USP34: variants seen among roughly 807,000 people sequenced by gnomAD.
The protein encoded by USP34 is ubiquitin carboxyl-terminal hydrolase 34.
A neutral mutation model predicts 460.3 loss-of-function variants in USP34; 70 were observed. The observed-to-expected ratio is 0.15, with a 90% CI of 0.13 to 0.19. The LOEUF (loss-of-function observed/expected upper bound fraction) is 0.19, where lower values mean the gene tolerates loss of function less well. Among genes scored for constraint, USP34 ranks in the 10% least tolerant of loss-of-function variants. The pLI, the probability that USP34 is intolerant of heterozygous loss-of-function variation, is 1.00. For missense variants in USP34, 3,985 were observed against 4,236.2 expected, an observed-to-expected ratio of 0.94 and a Z score of 1.65; for synonymous variants, 1,647 against 1,405.3, an observed-to-expected ratio of 1.17 and a Z score of -3.85.
chr2:61,268,680 TAA>T (rs951354112), intron 41 of USP34, among the ~76,000 whole-genome samples: 169 of 152,166 alleles, frequency 1.1e-3, no homozygotes, highest in African/African-American at 3.9e-3. Flanking sequence ...AAATTCAATT[TAA>T]AAAGTTATCA....
intron 6 of USP34, among the ~76,000 whole-genome samples, chr2:61,382,630 T>C (rs547891134): frequency 1.3e-5 from 2 of 152,320 alleles, no homozygotes; most frequent in Non-Finnish European, 2.9e-5. Flanking sequence ...AGAAAAAAAG[T>C]ACAATACTGT....
In USP34 at chr2:61,221,541, C is replaced by A; in HGVS notation, c.7860G>T (p.Met2620Ile). Reference protein sequence around the residue: ...LMEFAGGPPGMPPFASYILQR... With the variant: ...LMEFAGGPPGIPPFASYILQR... ...GCAGAATATAAGATGCAAAGGGAGG[C>A]ATTCCTGGAGGTCCACCAGCAAACT... is the stretch of plus-strand genomic sequence containing the variant. The change falls in exon 66 of 80, where the codon ATG becomes ATT. Residue 2620 changes from methionine (M) to isoleucine (I), a missense_variant. Coordinates refer to ENST00000398571, the MANE Select transcript of USP34 (RefSeq NM_014709.4). 1.9e-6 allele frequency: 3 copies of A among 1,614,090 alleles called. No individual in the cohort carries two copies. The highest frequency in any genetic ancestry group is 2.5e-6 in the Non-Finnish European group (3 of 1,179,958).
intron 10 of USP34, among the ~76,000 whole-genome samples, chr2:61,361,971 TAATAAATA>T (rs527600718): frequency 4.0e-5 from 6 of 151,096 alleles, no homozygotes; most frequent in African/African-American, 9.7e-5. Context: ...AGCAAAAAAA[TAATAAATA>T]AATAAATAAA....
chr2:61,372,668 G>A (rs1237793662), intron 8 of USP34, among the ~76,000 whole-genome samples: 4 of 152,148 alleles, frequency 2.6e-5, no homozygotes, highest in African/African-American at 7.2e-5. Context: ...TAATCGTGCT[G>A]TTGCTGCACT....
At chr2:61,264,740 T>C (rs1469146917) in intron 43 of USP34, among the ~76,000 whole-genome samples, 1 of 152,092 alleles carries the variant, frequency 6.6e-6, no homozygotes, top group Non-Finnish European at 1.5e-5. Context: ...TAGCCCATAG[T>C]TGGCCGGGCA....
At chr2:61,286,567 AC>A (rs1393794079) in intron 34 of USP34, among the ~76,000 whole-genome samples, 1 of 151,988 alleles carries the variant, frequency 6.6e-6, no homozygotes, top group Non-Finnish European at 1.5e-5. Context: ...AGGTAGTAAA[AC>A]CGCTTGAACA....
chr2:61,211,977 TAGA>T, intron 68 of USP34, 48 bp from the exon 69 acceptor site: 1 of 1,540,966 alleles, frequency 6.5e-7, no homozygotes, highest in East Asian at 2.4e-5. Context: ...TATAGCATTT[TAGA>T]AGGTCAGTTT....
rs761851566 is a variant in USP34, at chr2:61,214,387, A to G, written c.8355T>C (p.Pro2785=). 6.2e-7 allele frequency: 1 copy of G among 1,614,172 alleles called. No individual in the cohort carries two copies. The highest frequency in any genetic ancestry group is 2.2e-5 in the East Asian group (1 of 44,890). ...YFMDLWNLFQ[P]KLSEPAIATN... The stretch of plus-strand genomic sequence containing the variant: ...TAGCTATTGCTGGCTCAGAAAGTTT[A>G]GGCTGGAAAAGGTTCCACAAATCCA... Residue 2785 remains proline (P), a synonymous_variant, in exon 68 of 80, where the codon CCT becomes CCC. Coordinates refer to ENST00000398571, the MANE Select transcript of USP34 (RefSeq NM_014709.4).
chr2:61,346,831 C>CAAAAAAAAA (rs776311612), intron 15 of USP34, among the ~76,000 whole-genome samples: 1 of 29,794 alleles, frequency 3.4e-5, no homozygotes, highest in Non-Finnish European at 6.2e-5. Flanking sequence ...GATTCCAACT[C>CAAAAAAAAA]AAAAAAAAAA....
chr2:61,281,874 G>C (rs1689545058), intron 37 of USP34, among the ~76,000 whole-genome samples: 2 of 152,202 alleles, frequency 1.3e-5, no homozygotes, highest in African/African-American at 2.4e-5. Flanking sequence ...AAGCAACACA[G>C]AAGCAACTTC....
In USP34 at chr2:61,348,829, C is replaced by A; in HGVS notation, c.1601G>T (p.Gly534Val). Residue 534 changes from glycine to valine, a missense_variant, in exon 14 of 80, where the codon GGT (glycine) becomes GTT (valine). Gly to Val is a moderately radical substitution (Grantham distance 109, BLOSUM62 -3). This residue lies in a region of USP34 where 716 missense variants were observed against 626.2 expected (regional missense o/e 1.14). Transcript: ENST00000398571. ...SDNSDTHQSG[G>V]SDIEMDEQLI... ...TTGCTCATCCATTTCAATGTCACTA[C>A]CTCCACTTTGATGTGTATCGCTATT... 6.2e-7 allele frequency: 1 copy of A among 1,613,860 alleles called. No individual in the cohort carries two copies. The highest frequency in any genetic ancestry group is 8.5e-7 in the Non-Finnish European group (1 of 1,179,872).
chr2:61,249,705 C>T (rs1346335539), intron 48 of USP34: 1 of 151,926 alleles, frequency 6.6e-6, no homozygotes, highest in Non-Finnish European at 1.5e-5. Flanking sequence ...AGAGCAGAGT[C>T]CCCACGATGC....
chr2:61,238,932 G>A (rs999084404), intron 53 of USP34, among the ~76,000 whole-genome samples: 11 of 151,366 alleles, frequency 7.3e-5, no homozygotes, highest in African/African-American at 1.7e-4. Flanking sequence ...GTCACACTGT[G>A]GTAATTCCTG....
intron 20 of USP34, among the ~76,000 whole-genome samples, chr2:61,328,559 A>G (rs1475029272): frequency 6.6e-6 from 1 of 152,148 alleles, no homozygotes; most frequent in East Asian, 1.9e-4. Flanking sequence ...TCCAGACAAC[A>G]TCTCTCTGTT....
Position 61,248,660 on chromosome 2 carries a change from C to A in USP34, c.6245G>T (p.Arg2082Leu), listed in dbSNP as rs571807812. Residue 2082 changes from arginine to leucine, a missense_variant, in exon 49 of 80, where the codon CGC becomes CTC. Around this residue, in one of 14 missense-constraint regions of USP34, gnomAD observed 145 missense variants for 291.6 expected, o/e 0.50. Coordinates refer to ENST00000398571, the MANE Select transcript of USP34 (RefSeq NM_014709.4). Reference protein sequence around the residue: ...EKRACFKKLPRILSFNTMRYT... With the variant: ...EKRACFKKLPLILSFNTMRYT... ...TCTCATAGTATTGAAACTCAAAATGCGAGGCAATTTCTTAAAACATGCCCT... is the reference window on the plus strand; with the variant it reads ...TCTCATAGTATTGAAACTCAAAATGAGAGGCAATTTCTTAAAACATGCCCT... 1.9e-6 allele frequency: 3 copies of A among 1,554,614 alleles called. No homozygotes were observed. The highest frequency in any genetic ancestry group is 2.3e-5 in the East Asian group (1 of 43,490).
intron 70 of USP34, 67 bp from the exon 71 acceptor site, chr2:61,206,953 T>C: frequency 6.6e-7 from 1 of 1,526,206 alleles, no homozygotes; most frequent in Non-Finnish European, 8.9e-7. Flanking sequence ...AAAATGGTAG[T>C]ACTCGTCCTC....
chr2:61,242,328 G>C (rs191437644), intron 51 of USP34, among the ~76,000 whole-genome samples: 2 of 152,190 alleles, frequency 1.3e-5, no homozygotes. Flanking sequence ...AAAGTTGTAA[G>C]TAACTTTATG....
At chr2:61,298,376 A>C (rs1436428984) in intron 29 of USP34, among the ~76,000 whole-genome samples, 27 of 143,308 alleles carry the variant, frequency 1.9e-4, no homozygotes, top group Non-Finnish European at 4.5e-5. Flanking sequence ...AAAAAAAAAA[A>C]AAAAAAAAAA....
rs143919091 is a variant in USP34, at chr2:61,298,675, C to T, written c.4129-1750G>A. ...CAGCCCAGGATCTCTTATCACTGGT[C>T]CTGGTTTTCTCTACTACATCCTCCA... On this transcript the variant is annotated intron_variant, in intron 29 of 79. Coordinates refer to ENST00000398571, the MANE Select transcript of USP34 (RefSeq NM_014709.4). Among the ~76,000 whole-genome samples the T allele has an allele frequency of 5.0e-3, 758 of 151,030 alleles. 5 individuals carry two copies. Among genetic ancestry groups the T allele is most frequent in the African/African-American group, 0.017 (716 of 41,118 alleles).
Sources: gnomAD v4.1 joint callset for allele counts (sites outside exome capture counted in the v4.1 genomes callset) on GRCh38, gnomAD v4.1.1 for gene constraint, gnomAD v4.1.1 regional missense constraint, MANE v1.5 for transcripts, NCBI Gene and HGNC (gene_info 2026-07-23, HGNC 2026-07-21) for gene names.